INPP5D: variants seen among roughly 807,000 people sequenced by gnomAD.
INPP5D encodes inositol polyphosphate-5-phosphatase D, also known as phosphatidylinositol 3,4,5-trisphosphate 5-phosphatase 1.
INPP5D carries 33 observed loss-of-function variants against 122.9 expected under a neutral mutation model. That is an observed-to-expected ratio of 0.27 (90% CI 0.20 to 0.36). The LOEUF (loss-of-function observed/expected upper bound fraction) is 0.36. Ranked by LOEUF, INPP5D falls within the 10% of genes least tolerant of loss-of-function variation. The pLI, the probability that INPP5D is intolerant of heterozygous loss-of-function variation, is 1.00. For synonymous variants in INPP5D, 584 were observed against 576.2 expected (o/e 1.01, Z -0.19); for missense variants, 1,053 against 1,412.7 (o/e 0.75, Z 4.08).
At chr2:233,106,076 T>C (rs893433086) in intron 2 of INPP5D, among the ~76,000 whole-genome samples, 4 of 152,186 alleles carry the variant, frequency 2.6e-5, no homozygotes, top group African/African-American at 9.7e-5. Context: ...AAGATAAGTA[T>C]GTCATGAAGT....
intron 13 of INPP5D, 130 bp from the exon 14 acceptor site, chr2:233,169,175 A>G (rs1316111526): frequency 7.2e-7 from 1 of 1,390,496 alleles, no homozygotes; most frequent in African/African-American, 1.4e-5. Flanking sequence ...ACCCTGCACG[A>G]CCCTGTTTCG....
chr2:233,170,501 A>G lies in INPP5D; in HGVS notation c.1797A>G (p.Ala599=). Reference sequence around the variant, plus strand: ...CGGGCATGTTCTTGTTCCAGGAGGCAGAAACCATCATCCAGAAAATCAAGC... The same window carrying G: ...CGGGCATGTTCTTGTTCCAGGAGGCGGAAACCATCATCCAGAAAATCAAGC... The part of the protein sequence containing the change: ...NYRVDLPTWE[A]ETIIQKIKQQ... The change falls in exon 16 of 27, where the codon GCA becomes GCG. Residue 599 remains alanine (A), a synonymous_variant. Coordinates refer to ENST00000445964, the MANE Select transcript of INPP5D (RefSeq NM_001017915.3). The surrounding 1 kb of genome is among the most constrained non-coding windows in gnomAD (Gnocchi z 4.5). 1 of 1,613,830 alleles carries G rather than the reference A, an allele frequency of 6.2e-7. No homozygotes were observed. The highest frequency in any genetic ancestry group is 8.5e-7 in the Non-Finnish European group (1 of 1,179,832).
intron 1 of INPP5D, among the ~76,000 whole-genome samples, chr2:233,065,580 C>CTTCTTTCT (rs66533229): frequency 0.017 from 222 of 13,206 alleles, 17 homozygotes; most frequent in South Asian, 0.04. Context: ...TCTTTCTTTC[C>CTTCTTTCT]TTCTTTCTTT....
rs66533229 is a variant in INPP5D at position 233,065,580 on chromosome 2, CTTCTTTCTTTCTTTCTTTCT to C, written c.134+5023_134+5042del. Among the ~76,000 whole-genome samples the C allele has an allele frequency of 1.7e-3, 23 of 13,258 alleles. 4 individuals carry two copies. The highest frequency in any genetic ancestry group is 6.6e-3 in the Admixed American group (13 of 1,966). The allele number at this position is 13,258 out of a possible 152,430, so 8.7% of individuals were successfully genotyped here. A position where few individuals can be genotyped will look rare whatever the true frequency, so the allele number is the denominator to read the frequency against. ...CCCAGCCTTTTTCTTTCTTTCTTTCCTTCTTTCTTTCTTTCTTTCTTTCTTTCTTTCTTTCTTTCTTTCTT... is the reference window on the plus strand; with the variant it reads ...CCCAGCCTTTTTCTTTCTTTCTTTCCTTCTTTCTTTCTTTCTTTCTTTCTT... On this transcript the variant is annotated intron_variant, in intron 1 of 26. Coordinates refer to ENST00000445964, the MANE Select transcript of INPP5D (RefSeq NM_001017915.3).
intron 1 of INPP5D, among the ~76,000 whole-genome samples, chr2:233,070,923 G>A (rs1193694916): frequency 6.6e-6 from 1 of 152,058 alleles, no homozygotes; most frequent in African/African-American, 2.4e-5. Flanking sequence ...GTTTTTGTTT[G>A]TTTGTTTTAC....
At chr2:233,113,963 T>A (rs905974158) in intron 2 of INPP5D, among the ~76,000 whole-genome samples, 3 of 139,516 alleles carry the variant, frequency 2.2e-5, no homozygotes, top group Admixed American at 7.3e-5. Context: ...CTGGATGGAG[T>A]GCAGTGGCGC....
At chr2:233,202,335 AG>A (rs112908574) in intron 25 of INPP5D, among the ~76,000 whole-genome samples, 40 of 152,276 alleles carry the variant, frequency 2.6e-4, no homozygotes, top group African/African-American at 5.1e-4. Context: ...CTGAACATGG[AG>A]GGGGCCCTTT....
Position 233,164,180 on chromosome 2 carries a change from G to A in INPP5D, c.1438-127G>A, listed in dbSNP as rs1002986556. 42 of 1,437,366 alleles carry A rather than the reference G, an allele frequency of 2.9e-5. No individual in the cohort carries two copies. Among genetic ancestry groups the A allele is most frequent in the Admixed American group, 8.2e-5 (3 of 36,630 alleles). The allele number at this position is 1,437,366 out of a possible 1,614,324, so 89.0% of individuals were successfully genotyped here. A position where few individuals can be genotyped will look rare whatever the true frequency, so the allele number is the denominator to read the frequency against. On this transcript the variant is annotated intron_variant, in intron 12 of 26. Transcript: ENST00000445964. The surrounding 1 kb of genome is among the most constrained non-coding windows in gnomAD (Gnocchi z 4.3). ...TATCAAGCATCGCTGGGAGTCCCCC[G>A]AAGGGTTGGGATTACAGACAGGATA...
intron 2 of INPP5D, among the ~76,000 whole-genome samples, chr2:233,086,119 CTCTT>C (rs10539341): frequency 0.11 from 10,322 of 93,786 alleles, 574 homozygotes; most frequent in Middle Eastern, 0.16. Context: ...ATAAGATAGC[CTCTT>C]TCTTTCTTTC....
At chr2:233,171,936 A>G (rs1294875071) in intron 17 of INPP5D, among the ~76,000 whole-genome samples, 1 of 152,228 alleles carries the variant, frequency 6.6e-6, no homozygotes. Flanking sequence ...GCGCAAGTTC[A>G]AAGTGTCATC....
Position 233,065,580 on chromosome 2 carries a change from C to CTTCTTTGT in INPP5D, c.134+4974_134+4975insGTTTCTTT, listed in dbSNP as rs1202054837. On this transcript the variant is annotated intron_variant, in intron 1 of 26. Coordinates refer to ENST00000445964, the MANE Select transcript of INPP5D (RefSeq NM_001017915.3). ...CCCAGCCTTTTTCTTTCTTTCTTTCCTTCTTTCTTTCTTTCTTTCTTTCTT... is the reference window on the plus strand; with the variant it reads ...CCCAGCCTTTTTCTTTCTTTCTTTCCTTCTTTGTTTCTTTCTTTCTTTCTTTCTTTCTT... 2.5e-3 allele frequency among the ~76,000 whole-genome samples: 33 copies of CTTCTTTGT among 13,262 alleles called. 15 individuals carry two copies. Among genetic ancestry groups the CTTCTTTGT allele is most frequent in the African/African-American group, 0.014 (33 of 2,366 alleles). The allele number at this position is 13,262 out of a possible 152,430, so 8.7% of individuals were successfully genotyped here.
At chr2:233,175,879 G>C (rs1340753757) in intron 17 of INPP5D, among the ~76,000 whole-genome samples, 2 of 151,694 alleles carry the variant, frequency 1.3e-5, no homozygotes, top group Non-Finnish European at 2.9e-5. Flanking sequence ...ATGGGGTTTC[G>C]CCATGTTGGT....
intron 1 of INPP5D, among the ~76,000 whole-genome samples, chr2:233,076,716 A>G (rs1691529960): frequency 6.6e-6 from 1 of 152,238 alleles, no homozygotes; most frequent in Admixed American, 6.5e-5. Flanking sequence ...CGAGTCAAAG[A>G]CACAAAAGGG....
chr2:233,103,235 C>T (rs549142238), intron 2 of INPP5D, among the ~76,000 whole-genome samples: 7 of 152,314 alleles, frequency 4.6e-5, no homozygotes, highest in African/African-American at 1.4e-4. Flanking sequence ...CAAATCTCTG[C>T]TGCACAAAGA....
chr2:233,101,071 G>A (rs1162965190), intron 2 of INPP5D, among the ~76,000 whole-genome samples: 6 of 152,014 alleles, frequency 3.9e-5, no homozygotes, highest in East Asian at 1.9e-4. Flanking sequence ...AAGGGAAGGC[G>A]GGTGTATCAG....
rs1331704210 is a variant in INPP5D at position 233,197,487 on chromosome 2, T to C, written c.2694-608T>C. On this transcript the variant is annotated intron_variant, in intron 24 of 26. Transcript: ENST00000445964. This position sits in a 1 kb window ranked among gnomAD's most constrained non-coding sequence, Gnocchi z 4.4. ...CCAGGCTACCCCCCCACCATCTCTC[T>C]GCCCTGCCAGCCTTGCCAGCTTCTC... 6.6e-6 allele frequency among the ~76,000 whole-genome samples: 1 copy of C among 152,100 alleles called. No homozygotes were observed. The highest frequency in any genetic ancestry group is 1.5e-5 in the Non-Finnish European group (1 of 68,002).
At chr2:233,127,959 T>G (rs1471124155) in intron 4 of INPP5D, among the ~76,000 whole-genome samples, 1 of 152,208 alleles carries the variant, frequency 6.6e-6, no homozygotes, top group African/African-American at 2.4e-5. Flanking sequence ...ACTCACGGTA[T>G]CAAAGTCACA....
chr2:233,135,289 A>G (rs1048886056), intron 5 of INPP5D, among the ~76,000 whole-genome samples: 39 of 151,786 alleles, frequency 2.6e-4, no homozygotes, highest in African/African-American at 9.4e-4. Flanking sequence ...TTGAACTCCT[A>G]GGCTCAAGTG....
rs1298686610 is a variant in INPP5D at position 233,125,796 on chromosome 2, C to T, written c.401C>T (p.Thr134Ile). 2 of 1,613,954 alleles carry T rather than the reference C, an allele frequency of 1.2e-6. No homozygotes were observed. Among genetic ancestry groups the T allele is most frequent in the African/African-American group, 1.3e-5 (1 of 75,048 alleles). ...CTGCCCCCAAGAAACATCCCGCTGACTGCCAGCTCCTGTGAGGCCAAGGAG... is the reference window on the plus strand; with the variant it reads ...CTGCCCCCAAGAAACATCCCGCTGATTGCCAGCTCCTGTGAGGCCAAGGAG... ...PELPPRNIPLTASSCEAKEVP... is the reference protein window; with the variant it reads ...PELPPRNIPLIASSCEAKEVP... The change falls in exon 4 of 27, where the codon ACT becomes ATT. Residue 134 changes from threonine to isoleucine, a missense_variant. This residue lies in a region of INPP5D where 196 missense variants were observed against 175.6 expected (regional missense o/e 1.12). Coordinates refer to ENST00000445964, the MANE Select transcript of INPP5D (RefSeq NM_001017915.3).
Sources: gnomAD v4.1 joint callset for allele counts (sites outside exome capture counted in the v4.1 genomes callset) on GRCh38, gnomAD v4.1.1 for gene constraint, gnomAD v4.1.1 regional missense constraint, Gnocchi (gnomAD v3.1) non-coding constraint, MANE v1.5 for transcripts, NCBI Gene and HGNC (gene_info 2026-07-23, HGNC 2026-07-21) for gene names.